CAMK1D: variants seen among roughly 807,000 people sequenced by gnomAD.
CAMK1D encodes the protein calcium/calmodulin dependent protein kinase ID.
In CAMK1D, 9 loss-of-function variants were observed where a neutral mutation model predicts 47.7. That is an observed-to-expected ratio of 0.19 (90% CI 0.11 to 0.33). The LOEUF (loss-of-function observed/expected upper bound fraction) is 0.33. CAMK1D is among the 10% of genes least tolerant of loss of function. The pLI is 1.00. For missense variants in CAMK1D, 291 were observed against 488.7 expected, an observed-to-expected ratio of 0.60 and a Z score of 3.81; for synonymous variants, 184 against 184.9, an observed-to-expected ratio of 0.99 and a Z score of 0.04.
At chr10:12,795,489 C>G (rs74118615) in intron 6 of CAMK1D, among the ~76,000 whole-genome samples, 7,241 of 152,296 alleles carry the variant, frequency 0.048, 576 homozygotes, top group African/African-American at 0.16. Flanking sequence ...CCTCCCCACA[C>G]GGAAGTCACG....
chr10:12,504,977 A>G (rs566150462), intron 1 of CAMK1D, among the ~76,000 whole-genome samples: 25 of 152,216 alleles, frequency 1.6e-4, no homozygotes, highest in African/African-American at 5.1e-4. Context: ...ATTGGTAGCA[A>G]CAAAGCAACG....
At chr10:12,604,355 C>T (rs1233005832) in intron 2 of CAMK1D, among the ~76,000 whole-genome samples, 5 of 152,100 alleles carry the variant, frequency 3.3e-5, no homozygotes, top group Non-Finnish European at 4.4e-5. Flanking sequence ...CAAGTGCCAG[C>T]GTCTTTGAAG....
At chr10:12,434,255 T>G (rs1259017445) in intron 1 of CAMK1D, among the ~76,000 whole-genome samples, 1 of 152,252 alleles carries the variant, frequency 6.6e-6, no homozygotes, top group Non-Finnish European at 1.5e-5. Flanking sequence ...GGGTACAGGA[T>G]GATAGCATAG....
intron 8 of CAMK1D, among the ~76,000 whole-genome samples, chr10:12,819,809 A>G (rs2493749): frequency 0.7 from 105,666 of 152,024 alleles, 37,268 homozygotes; most frequent in East Asian, 0.88. Flanking sequence ...GGGCTGGCCC[A>G]GAGGAGGGTG....
intron 1 of CAMK1D, among the ~76,000 whole-genome samples, chr10:12,534,903 C>T (rs967737753): frequency 9.2e-5 from 14 of 152,064 alleles, no homozygotes; most frequent in Non-Finnish European, 1.9e-4. Flanking sequence ...CCTGGAAGTG[C>T]CCATGTCATT....
chr10:12,567,477 G>C (rs1367286984), intron 2 of CAMK1D, among the ~76,000 whole-genome samples: 1 of 152,174 alleles, frequency 6.6e-6, no homozygotes, highest in Non-Finnish European at 1.5e-5. Context: ...CGGTTTGGGG[G>C]ATAAGCCAGG....
At chr10:12,486,049 G>A (rs887504481) in intron 1 of CAMK1D, among the ~76,000 whole-genome samples, 1 of 152,116 alleles carries the variant, frequency 6.6e-6, no homozygotes, top group Non-Finnish European at 1.5e-5. Context: ...TACGCTACAG[G>A]TCTTGGGATT....
At chr10:12,813,787 G>A (rs1832697031) in intron 6 of CAMK1D, among the ~76,000 whole-genome samples, 1 of 151,838 alleles carries the variant, frequency 6.6e-6, no homozygotes, top group Admixed American at 6.6e-5. Flanking sequence ...CTGAGACAGA[G>A]TCTCGCTCTG....
At chr10:12,652,461 G>A (rs565964153) in intron 2 of CAMK1D, among the ~76,000 whole-genome samples, 6 of 151,074 alleles carry the variant, frequency 4.0e-5, no homozygotes, top group South Asian at 2.1e-4. Flanking sequence ...GGTGGCGGGC[G>A]CCTGTAGTCC....
intron 1 of CAMK1D, among the ~76,000 whole-genome samples, chr10:12,404,181 G>T (rs1165647561): frequency 6.6e-6 from 1 of 151,998 alleles, no homozygotes; most frequent in Non-Finnish European, 1.5e-5. Flanking sequence ...CAGTAGTTGG[G>T]ATTACAGGTG....
rs143767028 is a variant in CAMK1D at position 12,635,107 on chromosome 10, A to G, written c.225-31629A>G. On this transcript the variant is annotated intron_variant, in intron 2 of 10. Coordinates refer to ENST00000619168, the MANE Select transcript of CAMK1D (RefSeq NM_153498.4). ...ATCAACAAGATAATTTTGGAAGCTGATAGGAGCTGTGGGGAACATGAGAGA... is the reference window on the plus strand; with the variant it reads ...ATCAACAAGATAATTTTGGAAGCTGGTAGGAGCTGTGGGGAACATGAGAGA... Among the ~76,000 whole-genome samples, 28 of 152,156 alleles carry G rather than the reference A, an allele frequency of 1.8e-4. No homozygotes were observed. In the East Asian group the frequency reaches 5.4e-3, roughly 29 times the overall value.
intron 3 of CAMK1D, among the ~76,000 whole-genome samples, chr10:12,744,730 A>C (rs558277896): frequency 1.4e-5 from 2 of 144,350 alleles, no homozygotes; most frequent in Non-Finnish European, 2.9e-5. Context: ...GTCTCTACAA[A>C]AATAAAAATT....
chr10:12,745,992 A>T (rs1835654643), intron 3 of CAMK1D, among the ~76,000 whole-genome samples: 1 of 152,212 alleles, frequency 6.6e-6, no homozygotes. Flanking sequence ...TTTGGTACTT[A>T]GACAACATCT....
rs1833464354 is a variant in CAMK1D, at chr10:12,834,005, G to C, written c.*5118G>C. The C allele has an allele frequency of 6.6e-6, 1 of 151,866 alleles. No individual in the cohort carries two copies. The highest frequency in any genetic ancestry group is 2.4e-5 in the African/African-American group (1 of 41,336). 9.4% of individuals were successfully genotyped at this position (151,866 alleles called of 1,614,324 possible). ...CACCTGGTCCTCGGTTGGGGCTGCAGGTGTGCCTGACATTTGCAAAAGATA... is the reference window on the plus strand; with the variant it reads ...CACCTGGTCCTCGGTTGGGGCTGCACGTGTGCCTGACATTTGCAAAAGATA... On this transcript the variant is annotated 3_prime_UTR_variant, in exon 11 of 11. Coordinates refer to ENST00000619168, the MANE Select transcript of CAMK1D (RefSeq NM_153498.4).
intron 3 of CAMK1D, among the ~76,000 whole-genome samples, chr10:12,686,223 A>G (rs1832657117): frequency 6.6e-6 from 1 of 152,222 alleles, no homozygotes; most frequent in African/African-American, 2.4e-5. Context: ...GCCCTGGATG[A>G]GGTTACTTTG....
chr10:12,830,209 C>G lies in CAMK1D; in HGVS notation c.*1322C>G, dbSNP rs781320387. Reference sequence around the variant, plus strand: ...TTTCTCTGTGGTTTTTAAAAAAATGCATTTCTAATCTTACACTTCACGTGG... The same window carrying G: ...TTTCTCTGTGGTTTTTAAAAAAATGGATTTCTAATCTTACACTTCACGTGG... On this transcript the variant is annotated 3_prime_UTR_variant, in exon 11 of 11. Coordinates refer to ENST00000619168, the MANE Select transcript of CAMK1D (RefSeq NM_153498.4). 1 of 152,212 alleles carries G rather than the reference C, an allele frequency of 6.6e-6. No individual in the cohort carries two copies. Among genetic ancestry groups the G allele is most frequent in the African/African-American group, 2.4e-5 (1 of 41,456 alleles). The allele number at this position is 152,212 out of a possible 1,614,324, so 9.4% of individuals were successfully genotyped here. A position where few individuals can be genotyped will look rare whatever the true frequency, so the allele number is the denominator to read the frequency against.
chr10:12,752,272 AG>A (rs1836024060), intron 3 of CAMK1D, among the ~76,000 whole-genome samples: 1 of 152,220 alleles, frequency 6.6e-6, no homozygotes, highest in Non-Finnish European at 1.5e-5. Flanking sequence ...CTGGGATTAC[AG>A]GGGTGAGCCA....
chr10:12,653,365 C>T (rs1290546168), intron 2 of CAMK1D, among the ~76,000 whole-genome samples: 6 of 152,142 alleles, frequency 3.9e-5, no homozygotes, highest in Non-Finnish European at 8.8e-5. Context: ...ACAGAGTTGT[C>T]CTTATTATGC....
intron 2 of CAMK1D, among the ~76,000 whole-genome samples, chr10:12,653,549 C>T (rs932007979): frequency 2.0e-5 from 3 of 152,138 alleles, no homozygotes; most frequent in Non-Finnish European, 4.4e-5. Context: ...CATGTGACAA[C>T]GTTAATTACT....
Sources: gnomAD v4.1 joint callset for allele counts (sites outside exome capture counted in the v4.1 genomes callset) on GRCh38, gnomAD v4.1.1 for gene constraint, MANE v1.5 for transcripts, NCBI Gene and HGNC (gene_info 2026-07-23, HGNC 2026-07-21) for gene names.